CHSY3: variants seen among roughly 807,000 people sequenced by gnomAD.
The protein encoded by CHSY3 is chondroitin sulfate synthase 3, also known as N-acetylgalactosaminyl-proteoglycan 3-beta-glucuronosyltransferase 3.
Under a neutral mutation model 67.2 loss-of-function variants are expected in CHSY3, and 35 were observed. That is an observed-to-expected ratio of 0.52 (90% CI 0.40 to 0.69). The LOEUF (loss-of-function observed/expected upper bound fraction) is 0.69. Among genes scored for constraint, CHSY3 ranks in the 30% least tolerant of loss-of-function variants. CHSY3 has a pLI of 0.00. For missense variants in CHSY3, 1,069 were observed against 1,138.5 expected, an observed-to-expected ratio of 0.94 and a Z score of 0.88; for synonymous variants, 474 against 434.7, an observed-to-expected ratio of 1.09 and a Z score of -1.12.
Position 129,905,051 on chromosome 5 carries a change from G to C in CHSY3, c.222G>C (p.Gln74His). ...CCCAGTCCCGACCACGGCAGGAGCAGTCGCCGCCCCCCGCGCGCCAGGATC... is the reference window on the plus strand; with the variant it reads ...CCCAGTCCCGACCACGGCAGGAGCACTCGCCGCCCCCCGCGCGCCAGGATC... ...PQPQSRPRQE[Q>H]SPPPARQDLQ... is the part of the protein sequence containing the mutation. Residue 74 changes from glutamine (Q) to histidine (H), a missense_variant, in exon 1 of 3, where the codon CAG becomes CAC. Gln to His is a conservative substitution (Grantham distance 24). Transcript: ENST00000305031. 6.5e-7 allele frequency: 1 copy of C among 1,549,556 alleles called. No homozygotes were observed. Among genetic ancestry groups the C allele is most frequent in the Non-Finnish European group, 8.7e-7 (1 of 1,154,106 alleles).
At chr5:130,028,019 T>C (rs901249686) in intron 2 of CHSY3, among the ~76,000 whole-genome samples, 4 of 152,152 alleles carry the variant, frequency 2.6e-5, no homozygotes, top group Non-Finnish European at 5.9e-5. Flanking sequence ...ATGGTATTTC[T>C]AGTTCTAGAT....
chr5:129,983,256 T>C (rs1763073057), intron 2 of CHSY3, among the ~76,000 whole-genome samples: 1 of 152,084 alleles, frequency 6.6e-6, no homozygotes, highest in Non-Finnish European at 1.5e-5. Flanking sequence ...ATCTCTACAC[T>C]TTCAGTGTCT....
chr5:130,167,920 T>G (rs1458194875), intron 2 of CHSY3, among the ~76,000 whole-genome samples: 1 of 152,018 alleles, frequency 6.6e-6, no homozygotes, highest in Non-Finnish European at 1.5e-5. Flanking sequence ...AGAAGAAAAT[T>G]TAATCCAATA....
chr5:129,952,656 G>A (rs1441365514), intron 2 of CHSY3, among the ~76,000 whole-genome samples: 2 of 152,086 alleles, frequency 1.3e-5, no homozygotes, highest in Non-Finnish European at 2.9e-5. Context: ...TCCAGAGAGT[G>A]CGTTTTATTT....
At chr5:129,987,010 CA>C (rs2149627208) in intron 2 of CHSY3, among the ~76,000 whole-genome samples, 1 of 152,152 alleles carries the variant, frequency 6.6e-6, no homozygotes, top group South Asian at 2.1e-4. Context: ...AAAGAGATAT[CA>C]AAAAATTATA....
chr5:129,997,475 T>C (rs1356191001), intron 2 of CHSY3, among the ~76,000 whole-genome samples: 1 of 151,914 alleles, frequency 6.6e-6, no homozygotes, highest in Non-Finnish European at 1.5e-5. Context: ...ACTTAATTGA[T>C]AGTAATTTAA....
intron 2 of CHSY3, among the ~76,000 whole-genome samples, chr5:129,930,776 C>T (rs1761281839): frequency 2.0e-5 from 3 of 152,160 alleles, no homozygotes; most frequent in South Asian, 2.1e-4. Flanking sequence ...GATGAGATGA[C>T]AGCCACAGAG....
At chr5:130,074,148 A>G (rs1295279382) in intron 2 of CHSY3, among the ~76,000 whole-genome samples, 2 of 151,968 alleles carry the variant, frequency 1.3e-5, no homozygotes, top group African/African-American at 2.4e-5. Flanking sequence ...TCAGCTCACT[A>G]CAACCTCCTC....
Position 129,946,309 on chromosome 5 carries a change from A to G in CHSY3, c.1086+37949A>G, listed in dbSNP as rs189445535. The stretch of plus-strand genomic sequence containing the variant: ...GATCTTGGAAGTAAGCACATTTCCA[A>G]AAAGGATTTCTACATATAAGGAAAT... On this transcript the variant is annotated intron_variant, in intron 2 of 2. Coordinates refer to ENST00000305031, the MANE Select transcript of CHSY3 (RefSeq NM_175856.5). Among the ~76,000 whole-genome samples, 336 of 152,292 alleles carry G rather than the reference A, an allele frequency of 2.2e-3. 3 individuals are homozygous for G. The highest frequency in any genetic ancestry group is 8.7e-3 in the Admixed American group (133 of 15,286).
intron 2 of CHSY3, among the ~76,000 whole-genome samples, chr5:129,925,960 A>G (rs1167822351): frequency 6.6e-6 from 1 of 152,092 alleles, no homozygotes; most frequent in Non-Finnish European, 1.5e-5. Flanking sequence ...TTGTGAGGGC[A>G]GTTATGGATA....
chr5:130,169,219 A>T (rs917482244), intron 2 of CHSY3, among the ~76,000 whole-genome samples: 1 of 152,136 alleles, frequency 6.6e-6, no homozygotes, highest in African/African-American at 2.4e-5. Context: ...ACTCTGCAAC[A>T]TACTGAGAGC....
chr5:130,052,699 CCT>C (rs1765401239), intron 2 of CHSY3, among the ~76,000 whole-genome samples: 1 of 151,916 alleles, frequency 6.6e-6, no homozygotes, highest in African/African-American at 2.4e-5. Context: ...GGTAAGGGAG[CCT>C]ATGTCTTTTA....
chr5:129,971,764 A>G (rs2149614243), intron 2 of CHSY3, among the ~76,000 whole-genome samples: 1 of 152,062 alleles, frequency 6.6e-6, no homozygotes, highest in South Asian at 2.1e-4. Flanking sequence ...TGAGGGCTAT[A>G]TTTTTCATTT....
intron 2 of CHSY3, among the ~76,000 whole-genome samples, chr5:130,109,239 C>T (rs1306085530): frequency 6.6e-6 from 1 of 151,662 alleles, no homozygotes; most frequent in African/African-American, 2.4e-5. Flanking sequence ...AAAATTGCCT[C>T]TTTAGATTTT....
intron 2 of CHSY3, among the ~76,000 whole-genome samples, chr5:130,170,337 T>C (rs1034884079): frequency 6.6e-6 from 1 of 152,136 alleles, no homozygotes; most frequent in Non-Finnish European, 1.5e-5. Context: ...TATAATTGCA[T>C]AGTATTCCAT....
chr5:130,057,814 A>G (rs1223088451), intron 2 of CHSY3, among the ~76,000 whole-genome samples: 2 of 152,146 alleles, frequency 1.3e-5, no homozygotes, highest in Non-Finnish European at 2.9e-5. Flanking sequence ...TTCATCATTC[A>G]TGCTCAGTTC....
At chr5:129,924,259 A>T (rs1761019996) in intron 2 of CHSY3, among the ~76,000 whole-genome samples, 1 of 152,138 alleles carries the variant, frequency 6.6e-6, no homozygotes, top group African/African-American at 2.4e-5. Flanking sequence ...CTCAAACATT[A>T]GACAACTTGA....
intron 2 of CHSY3, among the ~76,000 whole-genome samples, chr5:129,970,445 G>A (rs1013411030): frequency 6.6e-6 from 1 of 151,410 alleles, no homozygotes; most frequent in East Asian, 1.9e-4. Context: ...TAGATAGATA[G>A]ATAGACAGAC....
chr5:129,905,343 T>A lies in CHSY3; in HGVS notation c.514T>A (p.Phe172Ile). The change falls in exon 1 of 3, where the codon TTC (phenylalanine) becomes ATC (isoleucine). Residue 172 changes from phenylalanine to isoleucine, a missense_variant. Physicochemically the swap from Phe to Ile is conservative, Grantham distance 21 (BLOSUM62 0). Coordinates refer to ENST00000305031, the MANE Select transcript of CHSY3 (RefSeq NM_175856.5). ...AAAPSARPRD[F>I]LYVGVMTAQK... Reference sequence around the variant, plus strand: ...CGCCCCGAGCGCCCGACCCCGGGACTTCCTGTACGTGGGGGTGATGACCGC... The same window carrying A: ...CGCCCCGAGCGCCCGACCCCGGGACATCCTGTACGTGGGGGTGATGACCGC... 3.2e-6 allele frequency: 5 copies of A among 1,555,978 alleles called. No homozygotes were observed. The highest frequency in any genetic ancestry group is 4.3e-6 in the Non-Finnish European group (5 of 1,154,118).
Sources: gnomAD v4.1 joint callset for allele counts (sites outside exome capture counted in the v4.1 genomes callset) on GRCh38, gnomAD v4.1.1 for gene constraint, MANE v1.5 for transcripts, NCBI Gene and HGNC (gene_info 2026-07-23, HGNC 2026-07-21) for gene names.